The following CDYL variants were observed in gnomAD, a reference collection of about 807,000 sequenced individuals.
CDYL encodes chromodomain Y like.
In CDYL, 8 loss-of-function variants were observed where a neutral mutation model predicts 47.3. That is an observed-to-expected ratio of 0.17 (90% CI 0.10 to 0.31). The LOEUF (loss-of-function observed/expected upper bound fraction) is 0.31. Ranked by LOEUF, CDYL falls within the 10% of genes least tolerant of loss-of-function variation. CDYL has a pLI of 1.00. For synonymous variants in CDYL, 266 were observed against 265.0 expected (o/e 1.00, Z -0.04); for missense variants, 471 against 701.4 (o/e 0.67, Z 3.71).
At chr6:4,929,875 T>G (rs1159667287) in intron 2 of CDYL, among the ~76,000 whole-genome samples, 1 of 150,570 alleles carries the variant, frequency 6.6e-6, no homozygotes, top group Non-Finnish European at 1.5e-5. Context: ...CCCACTTTTT[T>G]GCTTATCTAG....
chr6:4,771,176 C>CT (rs1469338123), intron 3 of CDYL, among the ~76,000 whole-genome samples: 1 of 151,844 alleles, frequency 6.6e-6, no homozygotes, highest in African/African-American at 2.4e-5. Context: ...TGCAGTGGTG[C>CT]TATCTCGGGT....
chr6:4,863,866 C>A (rs965290986), intron 1 of CDYL, among the ~76,000 whole-genome samples: 8 of 152,170 alleles, frequency 5.3e-5, no homozygotes, highest in African/African-American at 1.9e-4. Context: ...ACGAGAAGGT[C>A]CAGTTTAAGT....
intron 1 of CDYL, among the ~76,000 whole-genome samples, chr6:4,808,189 A>G (rs1355105135): frequency 6.6e-6 from 1 of 152,208 alleles, no homozygotes; most frequent in Non-Finnish European, 1.5e-5. Context: ...ATGCGGGGCA[A>G]CACGTGCTTG....
chr6:4,814,639 C>G (rs529231733), intron 1 of CDYL, among the ~76,000 whole-genome samples: 1 of 152,252 alleles, frequency 6.6e-6, no homozygotes, highest in East Asian at 1.9e-4. Flanking sequence ...AATTCTCGTG[C>G]CCCAGCCTCC....
At chr6:4,925,617 C>T (rs961106404) in intron 2 of CDYL, among the ~76,000 whole-genome samples, 19 of 151,994 alleles carry the variant, frequency 1.3e-4, no homozygotes, top group South Asian at 4.1e-4. Flanking sequence ...GGGGTTTCAC[C>T]GTGTCAGCCA....
At chr6:4,751,674 C>G (rs73717725) in intron 3 of CDYL, among the ~76,000 whole-genome samples, 2,615 of 152,346 alleles carry the variant, frequency 0.017, 77 homozygotes, top group African/African-American at 0.052. Context: ...GACTCAAATT[C>G]ACATGATAAG....
intron 1 of CDYL, among the ~76,000 whole-genome samples, chr6:4,790,288 A>G (rs2127434420): frequency 6.6e-6 from 1 of 152,372 alleles, no homozygotes. Context: ...TGAGCAGTTA[A>G]CAATGGGACT....
At chr6:4,855,202 A>G (rs1489661026) in intron 1 of CDYL, among the ~76,000 whole-genome samples, 1 of 152,240 alleles carries the variant, frequency 6.6e-6, no homozygotes, top group African/African-American at 2.4e-5. Context: ...ATGAAAGCCC[A>G]GTATTTAACC....
At chr6:4,836,858 G>A (rs1053159026) in intron 1 of CDYL, among the ~76,000 whole-genome samples, 5 of 152,204 alleles carry the variant, frequency 3.3e-5, no homozygotes, top group Middle Eastern at 3.4e-3. Flanking sequence ...TAGACCTTGC[G>A]CCTGGTTACA....
chr6:4,738,712 A>G (rs1451478477), intron 3 of CDYL, among the ~76,000 whole-genome samples: 6 of 152,212 alleles, frequency 3.9e-5, no homozygotes, highest in Admixed American at 2.0e-4. Flanking sequence ...AGAGACAAAT[A>G]AAGATGTTTA....
At chr6:4,897,790 G>GTTTTGTTT (rs75519192) in intron 2 of CDYL, among the ~76,000 whole-genome samples, 3,525 of 140,224 alleles carry the variant, frequency 0.025, 98 homozygotes, top group East Asian at 0.085. Flanking sequence ...GAAGGTTTTT[G>GTTTTGTTT]TTTTTTTTTT....
chr6:4,836,211 G>A (rs544894724), intron 1 of CDYL: 27 of 920,280 alleles, frequency 2.9e-5, no homozygotes, highest in African/African-American at 9.0e-5. Context: ...GTTCCTATTC[G>A]GCCATCTTGG....
chr6:4,815,687 T>C (rs1437592418), intron 1 of CDYL, among the ~76,000 whole-genome samples: 1 of 151,262 alleles, frequency 6.6e-6, no homozygotes, highest in Non-Finnish European at 1.5e-5. Context: ...TTTTTTTTTT[T>C]TTTTTTACCT....
At chr6:4,773,020 T>G, upstream of CDYL, 2 of 407,976 alleles carry the variant, frequency 4.9e-6, no homozygotes, top group Admixed American at 2.9e-5. The surrounding 1 kb of genome is among the most constrained non-coding windows in gnomAD (Gnocchi z 4.6). Flanking sequence ...GATCTCAGAT[T>G]TCAGGTTTTA....
intron 2 of CDYL, among the ~76,000 whole-genome samples, chr6:4,900,078 AAT>A (rs1274013480): frequency 6.6e-6 from 1 of 152,232 alleles, no homozygotes; most frequent in Non-Finnish European, 1.5e-5. Context: ...CTTTGAGCAA[AAT>A]ATGAGTTCAC....
intron 1 of CDYL, among the ~76,000 whole-genome samples, chr6:4,883,004 G>T (rs1761804846): frequency 1.3e-5 from 2 of 152,176 alleles, no homozygotes; most frequent in South Asian, 4.1e-4. Flanking sequence ...TACCATGACT[G>T]TGGGGCCCGC....
At chr6:4,831,253 G>C (rs953713171) in intron 1 of CDYL, among the ~76,000 whole-genome samples, 1 of 152,108 alleles carries the variant, frequency 6.6e-6, no homozygotes, top group East Asian at 1.9e-4. Context: ...ATTGATTTTT[G>C]TATAAGGTGT....
At chr6:4,791,216 A>G (rs1397875526) in intron 1 of CDYL, among the ~76,000 whole-genome samples, 1 of 152,236 alleles carries the variant, frequency 6.6e-6, no homozygotes, top group Non-Finnish European at 1.5e-5. Flanking sequence ...TTCACTGTAT[A>G]ACCGATTCCA....
chr6:4,868,425 T>A (rs994033023), intron 1 of CDYL, among the ~76,000 whole-genome samples: 2 of 152,122 alleles, frequency 1.3e-5, no homozygotes, highest in Non-Finnish European at 1.5e-5. Flanking sequence ...AAATTGTTGA[T>A]TTCTAATTTA....
Sources: allele counts gnomAD v4.1 joint callset (sites outside exome capture counted in the v4.1 genomes callset), GRCh38; gene constraint gnomAD v4.1.1; non-coding constraint Gnocchi (gnomAD v3.1); transcripts MANE v1.5; gene names NCBI Gene and HGNC (gene_info 2026-07-23, HGNC 2026-07-21).